CDH13: variants seen among roughly 807,000 people sequenced by gnomAD.
The protein encoded by CDH13 is cadherin 13.
A neutral mutation model predicts 63.8 loss-of-function variants in CDH13; 24 were observed. The ratio of observed to expected loss-of-function variants is 0.38; its 90% CI spans 0.27 to 0.53. CDH13 has a LOEUF of 0.53. Ranked by LOEUF, CDH13 falls within the 20% of genes least tolerant of loss-of-function variation. The pLI is 0.85. For synonymous variants in CDH13, 503 were observed against 355.3 expected (o/e 1.42, Z -4.67); for missense variants, 1,049 against 903.1 (o/e 1.16, Z -2.07).
At chr16:82,635,949 C>A (rs1908603619) in intron 1 of CDH13, among the ~76,000 whole-genome samples, 1 of 152,102 alleles carries the variant, frequency 6.6e-6, no homozygotes, top group South Asian at 2.1e-4. Context: ...TTCGCCTTCC[C>A]CTTCTGCCAC....
Position 82,719,083 on chromosome 16 carries a change from C to T in CDH13, c.45+91946C>T, listed in dbSNP as rs561294800. Among the ~76,000 whole-genome samples the T allele has an allele frequency of 4.6e-5, 7 of 152,266 alleles. No homozygotes were observed. In the East Asian group the frequency reaches 1.4e-3, roughly 29 times the overall value. On this transcript the variant is annotated intron_variant, in intron 1 of 13. Transcript: ENST00000567109. ...CCCTGGGTGGTTATGAGCCTTAAAT[C>T]AGCTATGCCATGTGAAAGTTATTTG...
At chr16:83,317,673 A>T (rs1053494093) in intron 5 of CDH13, among the ~76,000 whole-genome samples, 10 of 152,016 alleles carry the variant, frequency 6.6e-5, no homozygotes, top group African/African-American at 1.9e-4. Flanking sequence ...GGTGGCATGC[A>T]CCTGTAATCC....
intron 4 of CDH13, among the ~76,000 whole-genome samples, chr16:83,172,570 A>C (rs550797758): frequency 2.0e-4 from 30 of 150,488 alleles, no homozygotes; most frequent in African/African-American, 7.2e-4. Context: ...ATGCCAAAAA[A>C]TGCAAAACAA....
At chr16:83,139,211 G>A (rs1196983896) in intron 4 of CDH13, among the ~76,000 whole-genome samples, 1 of 152,166 alleles carries the variant, frequency 6.6e-6, no homozygotes. Context: ...TTGGAAAGAC[G>A]GATTCATTTT....
chr16:83,017,152 A>G (rs951220038), intron 2 of CDH13, among the ~76,000 whole-genome samples: 1 of 152,184 alleles, frequency 6.6e-6, no homozygotes, highest in Admixed American at 6.6e-5. Context: ...ACTATCTTTA[A>G]TGGGTGCATA....
At chr16:83,161,414 A>C (rs559230065) in intron 4 of CDH13, among the ~76,000 whole-genome samples, 24 of 152,276 alleles carry the variant, frequency 1.6e-4, no homozygotes, top group African/African-American at 4.1e-4. Context: ...TTTTTAAATG[A>C]GTAATTCTAA....
At chr16:83,272,259 G>C (rs577021314) in intron 5 of CDH13, among the ~76,000 whole-genome samples, 2 of 152,296 alleles carry the variant, frequency 1.3e-5, no homozygotes, top group South Asian at 2.1e-4. Flanking sequence ...CAGTGTCAGG[G>C]AATGATAAGA....
At chr16:83,086,382 T>C (rs2033595604) in intron 3 of CDH13, among the ~76,000 whole-genome samples, 1 of 152,220 alleles carries the variant, frequency 6.6e-6, no homozygotes, top group Admixed American at 6.5e-5. Context: ...CTTAGTGTTC[T>C]AATCTGTAAA....
chr16:82,682,110 G>C (rs1217689118), intron 1 of CDH13, among the ~76,000 whole-genome samples: 1 of 152,224 alleles, frequency 6.6e-6, no homozygotes, highest in Non-Finnish European at 1.5e-5. Context: ...ATGTGTATGA[G>C]AAGACACTGG....
chr16:83,547,338 C>A (rs2075404319), intron 7 of CDH13, among the ~76,000 whole-genome samples: 1 of 152,212 alleles, frequency 6.6e-6, no homozygotes, highest in Non-Finnish European at 1.5e-5. Flanking sequence ...TTCAGAGGTA[C>A]ATGTGCAAAT....
chr16:83,379,938 T>TATATATATATATATATATAGAGAGAGAG, intron 6 of CDH13, among the ~76,000 whole-genome samples: 77 of 123,410 alleles, frequency 6.2e-4, no homozygotes, highest in Middle Eastern at 4.2e-3. Context: ...TATATATATA[T>TATATATATATATATATATAGAGAGAGAG]AGAGAGAGAG....
intron 10 of CDH13, among the ~76,000 whole-genome samples, chr16:83,696,855 G>C (rs1905475014): frequency 6.6e-6 from 1 of 152,086 alleles, no homozygotes; most frequent in South Asian, 2.1e-4. Context: ...CTGAAGCTCA[G>C]ATCCCGTCTC....
intron 11 of CDH13, among the ~76,000 whole-genome samples, chr16:83,768,575 T>G (rs895077015): frequency 6.6e-6 from 1 of 152,146 alleles, no homozygotes; most frequent in African/African-American, 2.4e-5. Flanking sequence ...AGCAAGTTTA[T>G]TAGGAAAGTA....
At chr16:82,848,252 G>A (rs546707966) in intron 1 of CDH13, among the ~76,000 whole-genome samples, 71 of 152,260 alleles carry the variant, frequency 4.7e-4, no homozygotes, top group African/African-American at 1.7e-3. Context: ...ATAAAACTGG[G>A]TTCAGGTTAC....
At chr16:83,006,935 T>TTTTC (rs1452111621) in intron 2 of CDH13, among the ~76,000 whole-genome samples, 1 of 121,880 alleles carries the variant, frequency 8.2e-6, no homozygotes, top group African/African-American at 3.4e-5. Flanking sequence ...TTTGTTTGTT[T>TTTTC]TTTTTGAGAC....
At chr16:83,553,998 A>G (rs1230869846) in intron 7 of CDH13, among the ~76,000 whole-genome samples, 1 of 152,218 alleles carries the variant, frequency 6.6e-6, no homozygotes. Flanking sequence ...TCTTGTACAG[A>G]TATAATTGCC....
chr16:83,538,056 C>G (rs550336848), intron 7 of CDH13, among the ~76,000 whole-genome samples: 1 of 152,196 alleles, frequency 6.6e-6, no homozygotes, highest in Admixed American at 6.5e-5. Context: ...AAGATGTTTC[C>G]TAAACAAGTT....
intron 1 of CDH13, among the ~76,000 whole-genome samples, chr16:82,847,771 C>A (rs903950409): frequency 6.6e-6 from 1 of 152,198 alleles, no homozygotes; most frequent in African/African-American, 2.4e-5. Flanking sequence ...CATGTGAAGG[C>A]CATTCACTCT....
intron 2 of CDH13, among the ~76,000 whole-genome samples, chr16:82,864,967 C>T (rs983089784): frequency 3.3e-5 from 5 of 152,090 alleles, no homozygotes; most frequent in Non-Finnish European, 4.4e-5. Context: ...TTGGCCAAAA[C>T]GAAGGGTCTA....
Sources: allele counts gnomAD v4.1 joint callset (sites outside exome capture counted in the v4.1 genomes callset), GRCh38; gene constraint gnomAD v4.1.1; transcripts MANE v1.5; gene names NCBI Gene and HGNC (gene_info 2026-07-23, HGNC 2026-07-21).